The following MRPS15 variants were observed in gnomAD, a reference collection of about 807,000 sequenced individuals.
MRPS15 encodes the protein mitochondrial ribosomal protein S15.
Under a neutral mutation model 30.7 loss-of-function variants are expected in MRPS15, and 25 were observed. The ratio of observed to expected loss-of-function variants is 0.81; its 90% confidence interval spans 0.59 to 1.14. The LOEUF is 1.14. Ranked by LOEUF, MRPS15 falls within the 50% of genes most tolerant of loss-of-function variation. MRPS15 has a pLI of 0.00. For missense variants in MRPS15, 313 were observed against 321.7 expected, an observed-to-expected ratio of 0.97 and a Z score of 0.21; for synonymous variants, 124 against 120.1, an observed-to-expected ratio of 1.03 and a Z score of -0.21.
rs1255689391 is a variant in MRPS15 at position 36,464,368 on chromosome 1, G to C, written c.-93C>G. On this transcript the variant is annotated 5_prime_UTR_variant, in exon 1 of 8. It adds an upstream start codon to the 5' untranslated region. Transcript: ENST00000373116. ...CATGGGCGCCGCCATGCTGGCCCAG[G>C]ATCGACCAATCGAGGCAGTTGCAAT... The C allele has an allele frequency of 6.7e-7, 1 of 1,500,912 alleles. No homozygotes were observed. The highest frequency in any genetic ancestry group is 8.9e-7 in the Non-Finnish European group (1 of 1,120,952). The allele number at this position is 1,500,912 out of a possible 1,614,324, so 93.0% of individuals were successfully genotyped here.
chr1:36,457,290 AAT>A (rs1553150544), intron 6 of MRPS15, among the ~76,000 whole-genome samples: 26 of 138,664 alleles, frequency 1.9e-4, no homozygotes, highest in African/African-American at 6.1e-4. Context: ...AAAAAAAAAA[AAT>A]ATATATATAT....
chr1:36,457,564 T>C (rs964784196), intron 6 of MRPS15, among the ~76,000 whole-genome samples: 1 of 152,200 alleles, frequency 6.6e-6, no homozygotes, highest in Non-Finnish European at 1.5e-5. Flanking sequence ...ATGATCTCCA[T>C]CTTATTGAAA....
At chr1:36,463,425 C>T (rs139306823) in intron 2 of MRPS15, among the ~76,000 whole-genome samples, 158 of 152,268 alleles carry the variant, frequency 1.0e-3, no homozygotes, top group Admixed American at 2.0e-3. Flanking sequence ...GTACCTTGCC[C>T]CATATCATTT....
At chr1:36,461,003 C>T (rs1014402091) in intron 4 of MRPS15, among the ~76,000 whole-genome samples, 2 of 152,222 alleles carry the variant, frequency 1.3e-5, no homozygotes, top group Admixed American at 6.5e-5. Context: ...GCATGAATGT[C>T]CCCAAAGCTT....
intron 3 of MRPS15, 52 bp downstream of exon 3, chr1:36,462,036 G>T: frequency 1.3e-6 from 2 of 1,508,210 alleles, no homozygotes; most frequent in South Asian, 2.3e-5. Context: ...CCCACTCCCC[G>T]ACAATCCTCC....
intron 7 of MRPS15, 49 bp downstream of exon 7, chr1:36,456,138 A>G: frequency 6.4e-7 from 1 of 1,560,904 alleles, no homozygotes; most frequent in Non-Finnish European, 8.7e-7. Context: ...TGCTTCCTCC[A>G]TCCCAGTCCC....
At chr1:36,460,573 T>C (rs1281016224) in intron 5 of MRPS15, 119 bp downstream of exon 5, 2 of 768,860 alleles carry the variant, frequency 2.6e-6, no homozygotes, top group Non-Finnish European at 4.5e-6. Context: ...TTGCCCTAGG[T>C]CCTTCATGTC....
intron 2 of MRPS15, among the ~76,000 whole-genome samples, chr1:36,463,270 G>A (rs1335933260): frequency 6.6e-6 from 1 of 152,206 alleles, no homozygotes; most frequent in Non-Finnish European, 1.5e-5. Flanking sequence ...TCCGGCCCCA[G>A]ATAATAAATT....
rs956444309 is a variant in MRPS15, at chr1:36,458,660, A to G, written c.386-679T>C. ...AATGCAGTAAAGTATTTTGGCACAAATAAGATTCTAAAACTGTCACGGGTC... is the reference window on the plus strand; with the variant it reads ...AATGCAGTAAAGTATTTTGGCACAAGTAAGATTCTAAAACTGTCACGGGTC... On this transcript the variant is annotated intron_variant, in intron 5 of 7. Transcript: ENST00000373116. This position sits in a 1 kb window ranked among gnomAD's most constrained non-coding sequence, Gnocchi z 4.5. The G allele has an allele frequency of 2.0e-5, 3 of 152,272 alleles. No homozygotes were observed. Among genetic ancestry groups the G allele is most frequent in the Admixed American group, 6.5e-5 (1 of 15,290 alleles). 9.4% of individuals were successfully genotyped at this position (152,272 alleles called of 1,614,324 possible).
chr1:36,462,646 TTGG>T (rs1650120636), intron 2 of MRPS15, among the ~76,000 whole-genome samples: 1 of 152,200 alleles, frequency 6.6e-6, no homozygotes, highest in Non-Finnish European at 1.5e-5. Flanking sequence ...AACCTCAGTC[TTGG>T]TGTGTGCACC....
intron 5 of MRPS15, among the ~76,000 whole-genome samples, chr1:36,459,908 A>G (rs72921208): frequency 0.044 from 6,690 of 152,304 alleles, 481 homozygotes; most frequent in African/African-American, 0.15. Flanking sequence ...ACTCACATCT[A>G]ATGAGGACTA....
At chr1:36,463,966 G>T in intron 1 of MRPS15, 116 bp from the exon 2 acceptor site, 2 of 1,502,838 alleles carry the variant, frequency 1.3e-6, no homozygotes, top group Non-Finnish European at 1.8e-6. Flanking sequence ...GAACCTAACC[G>T]CTGCCCCATT....
chr1:36,461,178 C>T, intron 4 of MRPS15, 86 bp downstream of exon 4: 1 of 1,243,706 alleles, frequency 8.0e-7, no homozygotes. Context: ...ACTGGAGAAG[C>T]ATGAGATGCG....
chr1:36,461,334 G>A (rs748899046), intron 3 of MRPS15, 22 bp from the exon 4 acceptor site: 1 of 1,611,612 alleles, frequency 6.2e-7, no homozygotes, highest in Non-Finnish European at 8.5e-7. Flanking sequence ...CCACAGCAAT[G>A]AGACAGACAT....
chr1:36,458,231 T>G lies in MRPS15; in HGVS notation c.386-250A>C. 4.6e-6 allele frequency: 2 copies of G among 433,334 alleles called. No homozygotes were observed. The highest frequency in any genetic ancestry group is 8.3e-6 in the Non-Finnish European group (2 of 240,936). The allele number at this position is 433,334 out of a possible 1,614,324, so 26.8% of individuals were successfully genotyped here. On this transcript the variant is annotated intron_variant, in intron 5 of 7. Transcript: ENST00000373116. This position sits in a 1 kb window ranked among gnomAD's most constrained non-coding sequence, Gnocchi z 4.5. ...GATATCATCCAAAAATCATAGCAAA[T>G]AGCATTCTTTTTTTTGAGACGGAGT...
In MRPS15 at chr1:36,455,872, T is replaced by C; in HGVS notation, c.690A>G (p.Ala230=). ...LKKRRRALKA[A]AAAQKQAKRR... ...GCTTTGCTTGTTTTTGGGCTGCTGC[T>C]GCAGCCTTTAAGGCTCTTCTTCGCT... The change falls in exon 8 of 8, where the codon GCA becomes GCG. Residue 230 remains alanine (A), a synonymous_variant. Coordinates refer to ENST00000373116, the MANE Select transcript of MRPS15 (RefSeq NM_031280.4). 1 of 1,614,134 alleles carries C rather than the reference T, an allele frequency of 6.2e-7. No homozygotes were observed. The highest frequency in any genetic ancestry group is 1.7e-5 in the Admixed American group (1 of 60,028).
rs766775770 is a variant in MRPS15, at chr1:36,456,192, T to C, written c.631A>G (p.Ile211Val). The C allele has an allele frequency of 3.1e-6, 5 of 1,605,964 alleles. 1 individual carries two copies. The East Asian group carries it at 1.1e-4, about 36-fold the overall frequency. ...GCCGCAATTCTGACTCGTACCCGAA[T>C]GCACAGAGCCTTCTTGGTCACGAAT... ...RRFVTKKALC[I>V]RVFQETQKLK... is the part of the protein sequence containing the mutation. The change falls in exon 7 of 8, where the codon ATT becomes GTT. Residue 211 changes from isoleucine (I) to valine (V), a missense_variant. Transcript: ENST00000373116.
intron 4 of MRPS15, 111 bp downstream of exon 4, chr1:36,461,153 G>T: frequency 2.0e-6 from 2 of 1,013,684 alleles, no homozygotes; most frequent in South Asian, 1.3e-5. Context: ...GAATGACAGT[G>T]GGCTAAGTGC....
rs562709681 is a variant in MRPS15 at position 36,456,275 on chromosome 1, C to A, written c.548G>T (p.Trp183Leu). 6.2e-7 allele frequency: 1 copy of A among 1,614,200 alleles called. No homozygotes were observed. The highest frequency in any genetic ancestry group is 1.1e-5 in the South Asian group (1 of 91,084). ...GAAGGTGTACTCAATTCCCAGCCCC[C>A]AGCATATCTTCTCAAAGACATCATA... Reference protein sequence around the residue: ...TNYDVFEKICWGLGIEYTFPP... With the variant: ...TNYDVFEKICLGLGIEYTFPP... The change falls in exon 7 of 8, where the codon TGG becomes TTG. Residue 183 changes from tryptophan (W) to leucine (L), a missense_variant. Transcript: ENST00000373116.
Sources: gnomAD v4.1 joint callset for allele counts (sites outside exome capture counted in the v4.1 genomes callset) on GRCh38, gnomAD v4.1.1 for gene constraint, Gnocchi (gnomAD v3.1) non-coding constraint, MANE v1.5 for transcripts, NCBI Gene and HGNC (gene_info 2026-07-23, HGNC 2026-07-21) for gene names.